TAFA1: variants seen among roughly 807,000 people sequenced by gnomAD.
TAFA1 encodes TAFA chemokine like family member 1.
Under a neutral mutation model 18.5 loss-of-function variants are expected in TAFA1, and 4 were observed. The ratio of observed to expected loss-of-function variants is 0.22; its 90% confidence interval spans 0.11 to 0.49. TAFA1 has a LOEUF of 0.49. Ranked by LOEUF, TAFA1 falls within the 20% of genes least tolerant of loss-of-function variation. TAFA1 has a pLI of 0.98. For missense variants in TAFA1, 147 were observed against 169.0 expected, an observed-to-expected ratio of 0.87 and a Z score of 0.72; for synonymous variants, 56 against 55.2, an observed-to-expected ratio of 1.01 and a Z score of -0.06.
intron 2 of TAFA1, among the ~76,000 whole-genome samples, chr3:68,058,239 C>T (rs547957807): frequency 6.6e-6 from 1 of 152,126 alleles, no homozygotes. Context: ...GGCTTGGTTT[C>T]CTCATCTGTA....
chr3:68,062,239 G>A (rs907188306), intron 2 of TAFA1, among the ~76,000 whole-genome samples: 1 of 152,130 alleles, frequency 6.6e-6, no homozygotes, highest in Non-Finnish European at 1.5e-5. Context: ...CACCGCAACA[G>A]GGGATGGTGA....
intron 3 of TAFA1, among the ~76,000 whole-genome samples, chr3:68,420,767 G>A (rs1342770198): frequency 4.6e-5 from 7 of 152,142 alleles, no homozygotes; most frequent in South Asian, 4.1e-4. Context: ...AAGAATTCTC[G>A]AGCTCAAAAT....
At chr3:68,515,283 G>A (rs1483010114) in intron 3 of TAFA1, among the ~76,000 whole-genome samples, 1 of 152,258 alleles carries the variant, frequency 6.6e-6, no homozygotes, top group Non-Finnish European at 1.5e-5. Flanking sequence ...TGTTACTTGG[G>A]TTACATTCAT....
intron 2 of TAFA1, among the ~76,000 whole-genome samples, chr3:68,416,116 CTATTATTA>C (rs1174827070): frequency 6.6e-6 from 1 of 152,106 alleles, no homozygotes; most frequent in Non-Finnish European, 1.5e-5. Context: ...AACTGGCCAG[CTATTATTA>C]TGGGGGAGGG....
intron 2 of TAFA1, among the ~76,000 whole-genome samples, chr3:68,409,223 T>C (rs1368377221): frequency 6.6e-6 from 1 of 152,168 alleles, no homozygotes; most frequent in Non-Finnish European, 1.5e-5. Context: ...TAGCATATTT[T>C]CTTCTTTCCC....
chr3:68,053,321 C>A (rs945266063), intron 2 of TAFA1, among the ~76,000 whole-genome samples: 6 of 152,094 alleles, frequency 3.9e-5, no homozygotes, highest in African/African-American at 1.4e-4. Flanking sequence ...TTTAATTTTA[C>A]TCCCCATAGG....
intron 3 of TAFA1, among the ~76,000 whole-genome samples, chr3:68,481,133 T>A (rs910062185): frequency 1.3e-5 from 2 of 152,330 alleles, no homozygotes; most frequent in African/African-American, 4.8e-5. Context: ...AACAAACTAA[T>A]ACAAAGACTA....
At chr3:68,412,546 G>A (rs1190741052) in intron 2 of TAFA1, among the ~76,000 whole-genome samples, 1 of 151,874 alleles carries the variant, frequency 6.6e-6, no homozygotes, top group Non-Finnish European at 1.5e-5. Context: ...TCCACAACAG[G>A]CCCCAGTGTG....
intron 2 of TAFA1, among the ~76,000 whole-genome samples, chr3:68,123,266 G>T (rs1312046924): frequency 6.6e-6 from 1 of 152,160 alleles, no homozygotes; most frequent in African/African-American, 2.4e-5. Context: ...CAGAGACTGG[G>T]CTGTTGCCTT....
intron 2 of TAFA1, among the ~76,000 whole-genome samples, chr3:68,251,183 C>T (rs1000733143): frequency 1.3e-5 from 2 of 152,088 alleles, no homozygotes; most frequent in African/African-American, 4.8e-5. Context: ...GACAACAGAC[C>T]CTTGAGAGTG....
chr3:68,226,800 A>G (rs1368318695), intron 2 of TAFA1, among the ~76,000 whole-genome samples: 1 of 152,218 alleles, frequency 6.6e-6, no homozygotes, highest in Non-Finnish European at 1.5e-5. Context: ...TAGTTCTCAG[A>G]GCCTGGTCAC....
At chr3:68,521,407 A>C (rs2073019249) in intron 3 of TAFA1, among the ~76,000 whole-genome samples, 2 of 152,350 alleles carry the variant, frequency 1.3e-5, no homozygotes, top group Middle Eastern at 3.4e-3. Flanking sequence ...AATGCTGGTC[A>C]CAATTTCTAT....
the TAFA1 span, among the ~76,000 whole-genome samples, chr3:67,993,383 T>C: frequency 6.6e-6 from 1 of 152,224 alleles, no homozygotes; most frequent in Non-Finnish European, 1.5e-5. Context: ...TCTCCTAAAC[T>C]GTAAGGCGGA....
rs1429255314 is a variant in TAFA1, at chr3:68,417,323, C to T, written c.162C>T (p.Asn54=). The T allele has an allele frequency of 2.5e-6, 4 of 1,613,316 alleles. No homozygotes were observed. The highest frequency in any genetic ancestry group is 3.4e-6 in the Non-Finnish European group (4 of 1,179,612). Residue 54 remains asparagine (N), a synonymous_variant, in exon 3 of 5, where the codon AAC becomes AAT. Transcript: ENST00000478136. ...CEVIAAHRCC[N]KNRIEERSQT... ...TGATAGCAGCACACCGATGTTGTAA[C>T]AAGAATCGCATTGAGGAGCGGTCAC...
intron 3 of TAFA1, among the ~76,000 whole-genome samples, chr3:68,486,283 A>C (rs2072338578): frequency 6.6e-6 from 1 of 152,010 alleles, no homozygotes; most frequent in African/African-American, 2.4e-5. Flanking sequence ...AGATTTCAGC[A>C]GCCTGAACAA....
At chr3:68,481,611 A>G (rs1454402756) in intron 3 of TAFA1, among the ~76,000 whole-genome samples, 4 of 152,168 alleles carry the variant, frequency 2.6e-5, no homozygotes, top group Non-Finnish European at 5.9e-5. Context: ...CTCTTTCTTT[A>G]TCTCTAAAAT....
intron 2 of TAFA1, among the ~76,000 whole-genome samples, chr3:68,212,791 G>T (rs376736674): frequency 5.3e-5 from 8 of 151,972 alleles, no homozygotes; most frequent in African/African-American, 1.4e-4. Context: ...GGAGAAAGGG[G>T]ATGGTTGCCA....
intron 2 of TAFA1, among the ~76,000 whole-genome samples, chr3:68,346,783 A>G (rs988511994): frequency 6.6e-6 from 1 of 152,244 alleles, no homozygotes; most frequent in Non-Finnish European, 1.5e-5. Flanking sequence ...ATATTCTTCA[A>G]TAATGAGATG....
intron 2 of TAFA1, among the ~76,000 whole-genome samples, chr3:68,238,936 G>C (rs1158905974): frequency 6.6e-6 from 1 of 152,072 alleles, no homozygotes; most frequent in African/African-American, 2.4e-5. Context: ...GGAATTCTTT[G>C]GGGGTGAAGG....
Sources: allele counts gnomAD v4.1 joint callset (sites outside exome capture counted in the v4.1 genomes callset), GRCh38; gene constraint gnomAD v4.1.1; transcripts MANE v1.5; gene names NCBI Gene and HGNC (gene_info 2026-07-23, HGNC 2026-07-21).